LPXN: variants seen among roughly 807,000 people sequenced by gnomAD.
LPXN encodes the protein leupaxin.
In LPXN, 28 loss-of-function variants were observed where a neutral mutation model predicts 45.6. The ratio of observed to expected loss-of-function variants is 0.61; its 90% CI spans 0.45 to 0.84. LPXN has a LOEUF of 0.84. LPXN is among the 40% of genes least tolerant of loss of function. The pLI is 0.00. For missense variants in LPXN, 459 were observed against 475.0 expected (o/e 0.97, Z 0.31); for synonymous variants, 166 against 169.9 (o/e 0.98, Z 0.18).
At chr11:58,570,797 C>T in intron 1 of LPXN, 84 bp from the exon 2 acceptor site, 1 of 942,924 alleles carries the variant, frequency 1.1e-6, no homozygotes, top group Non-Finnish European at 1.5e-6. Context: ...TTCACTGTGC[C>T]CACATTCATC....
chr11:58,578,811 C>T (rs1463243300), upstream of LPXN, among the ~76,000 whole-genome samples: 1 of 151,936 alleles, frequency 6.6e-6, no homozygotes, highest in Non-Finnish European at 1.5e-5. Flanking sequence ...ACCTGCCCCT[C>T]GCACTGCCCC....
intron 2 of LPXN, among the ~76,000 whole-genome samples, chr11:58,564,939 C>A (rs745554341): frequency 1.4e-4 from 22 of 151,988 alleles, no homozygotes; most frequent in Non-Finnish European, 2.9e-4. Flanking sequence ...GGTGGAAAGG[C>A]CAGCAGGAAA....
At position 58,549,810 on chromosome 11, in the gene LPXN, A is replaced by C; in HGVS notation, c.718T>G (p.Cys240Gly). ...CCTTCTGCACCAAACACCTCTCCGC[A>C]GTGAGAGCAGAAGAAGTGCTCTGGG... ...WHPEHFFCSH[C>G]GEVFGAEGFH... The change falls in exon 7 of 9, where the codon TGC (cysteine) becomes GGC (glycine). Residue 240 changes from cysteine (C) to glycine (G), a missense_variant. Cys to Gly is a radical substitution (Grantham distance 159). Transcript: ENST00000395074. 6.2e-7 allele frequency: 1 copy of C among 1,614,132 alleles called. No individual in the cohort carries two copies. Among genetic ancestry groups the C allele is most frequent in the South Asian group, 1.1e-5 (1 of 91,080 alleles).
At chr11:58,546,318 T>G (rs769676589) in intron 7 of LPXN, among the ~76,000 whole-genome samples, 2 of 152,176 alleles carry the variant, frequency 1.3e-5, no homozygotes, top group Non-Finnish European at 2.9e-5. Flanking sequence ...GTTGAAAGTC[T>G]AAAGAACCAT....
Position 58,551,373 on chromosome 11 carries a change from A to G in LPXN, c.319-141T>C, listed in dbSNP as rs572161132. 7 of 592,398 alleles carry G rather than the reference A, an allele frequency of 1.2e-5. No homozygotes were observed. The Middle Eastern group carries it at 1.1e-3, about 96-fold the overall frequency. 36.7% of individuals were successfully genotyped at this position (592,398 alleles called of 1,614,324 possible). ...TTCCTGCAAGACATTGGAAAAATCT[A>G]AAATTTCAACACCAATAAAAATCTT... On this transcript the variant is annotated intron_variant, in intron 4 of 8. Coordinates refer to ENST00000395074, the MANE Select transcript of LPXN (RefSeq NM_004811.3).
intron 1 of LPXN, among the ~76,000 whole-genome samples, chr11:58,572,933 A>G (rs1362452537): frequency 6.6e-6 from 1 of 152,226 alleles, no homozygotes; most frequent in African/African-American, 2.4e-5. Flanking sequence ...TTTCTTTATA[A>G]TAGAAGTTTT....
At chr11:58,578,848 GA>G (rs561791109), upstream of LPXN, among the ~76,000 whole-genome samples, 25 of 151,910 alleles carry the variant, frequency 1.6e-4, 2 homozygotes, top group East Asian at 4.5e-3. Flanking sequence ...CTGGAGGGGG[GA>G]AAAAGGTCAC....
upstream of LPXN, among the ~76,000 whole-genome samples, chr11:58,578,665 C>G (rs1471267753): frequency 1.3e-5 from 2 of 152,146 alleles, no homozygotes; most frequent in Non-Finnish European, 2.9e-5. Context: ...GCTACTTCTG[C>G]GGCCTAAAGA....
At chr11:58,532,078 G>C (rs991841054) in intron 7 of LPXN, among the ~76,000 whole-genome samples, 8 of 152,274 alleles carry the variant, frequency 5.3e-5, no homozygotes, top group African/African-American at 1.9e-4. Flanking sequence ...GGCAGTGAGA[G>C]GATTAGCAAC....
intron 7 of LPXN, among the ~76,000 whole-genome samples, chr11:58,541,283 C>T (rs1431051351): frequency 1.3e-5 from 2 of 152,132 alleles, no homozygotes; most frequent in Non-Finnish European, 2.9e-5. Context: ...TTTTCACAAC[C>T]TACTCATGTG....
At chr11:58,564,575 T>C (rs1239271658) in intron 2 of LPXN, among the ~76,000 whole-genome samples, 1 of 152,160 alleles carries the variant, frequency 6.6e-6, no homozygotes, top group Non-Finnish European at 1.5e-5. Context: ...AAACTTGACA[T>C]ATGAAAAGAA....
At chr11:58,568,871 C>T (rs1174408762) in intron 2 of LPXN, among the ~76,000 whole-genome samples, 1 of 152,178 alleles carries the variant, frequency 6.6e-6, no homozygotes, top group African/African-American at 2.4e-5. Context: ...ATGGCTTTTA[C>T]TCCAAATGAG....
At chr11:58,552,330 A>T (rs2510553) in intron 4 of LPXN, among the ~76,000 whole-genome samples, 1 of 151,392 alleles carries the variant, frequency 6.6e-6, no homozygotes, top group Non-Finnish European at 1.5e-5. Context: ...AAAAAAAAAA[A>T]GGCTAACTGA....
In LPXN at chr11:58,527,339, T is replaced by G. The variant is rs950120238; in HGVS notation, c.*115A>C. On this transcript the variant is annotated 3_prime_UTR_variant, in exon 9 of 9. Transcript: ENST00000395074. Reference sequence around the variant, plus strand: ...AGTTCCTTTATTTGCTCATCACCTTTCCTTTTTCTATAAGACTATTAAGCA... The same window carrying G: ...AGTTCCTTTATTTGCTCATCACCTTGCCTTTTTCTATAAGACTATTAAGCA... 26 of 1,067,158 alleles carry G rather than the reference T, an allele frequency of 2.4e-5. No individual in the cohort carries two copies. Among genetic ancestry groups the G allele is most frequent in the Non-Finnish European group, 3.6e-5 (26 of 729,588 alleles). The allele number at this position is 1,067,158 out of a possible 1,614,324, so 66.1% of individuals were successfully genotyped here.
chr11:58,558,757 C>G (rs1225217299), intron 3 of LPXN, among the ~76,000 whole-genome samples: 3 of 151,474 alleles, frequency 2.0e-5, no homozygotes, highest in Non-Finnish European at 4.4e-5. Flanking sequence ...GGATCCCCAA[C>G]ACACCAAATA....
chr11:58,529,586 G>A (rs1455123830), intron 7 of LPXN, among the ~76,000 whole-genome samples: 1 of 149,644 alleles, frequency 6.7e-6, no homozygotes, highest in Non-Finnish European at 1.5e-5. Flanking sequence ...CTCCAGCCTG[G>A]GAGATAGTGA....
chr11:58,533,610 A>C (rs530041725), intron 7 of LPXN, among the ~76,000 whole-genome samples: 1 of 152,190 alleles, frequency 6.6e-6, no homozygotes, highest in Non-Finnish European at 1.5e-5. Context: ...GAAACTGTTC[A>C]TAACAGTTCT....
upstream of LPXN, chr11:58,575,893 T>G (rs889579178): frequency 1.9e-6 from 3 of 1,583,726 alleles, no homozygotes; most frequent in African/African-American, 2.7e-5. Flanking sequence ...ATAAACCTTT[T>G]TGGTTCCTGT....
At chr11:58,543,979 A>C (rs1853807623) in intron 7 of LPXN, among the ~76,000 whole-genome samples, 1 of 152,124 alleles carries the variant, frequency 6.6e-6, no homozygotes, top group Non-Finnish European at 1.5e-5. Context: ...TCACTTTTTC[A>C]CATGCCTTGC....
Sources: gnomAD v4.1 joint callset for allele counts (sites outside exome capture counted in the v4.1 genomes callset) on GRCh38, gnomAD v4.1.1 for gene constraint, MANE v1.5 for transcripts, NCBI Gene and HGNC (gene_info 2026-07-23, HGNC 2026-07-21) for gene names.